Variants in HMCN2 observed in about 807,000 individuals in gnomAD.
HMCN2 encodes hemicentin-2.
HMCN2 carries 325 observed loss-of-function variants against 377.5 expected under a neutral mutation model. The ratio of observed to expected loss-of-function variants is 0.86; its 90% CI spans 0.79 to 0.94. The LOEUF is 0.94. Among genes scored for constraint, HMCN2 ranks in the 40% least tolerant of loss-of-function variants. The pLI, the probability that HMCN2 is intolerant of heterozygous loss-of-function variation, is 0.00. For missense variants in HMCN2, 4,543 were observed against 4,725.3 expected (o/e 0.96, Z 1.13); for synonymous variants, 2,007 against 2,046.8 (o/e 0.98, Z 0.53).
rs75783855 is a variant in HMCN2 at position 130,289,947 on chromosome 9, G to A, written c.612+3637G>A. 4.6e-3 allele frequency among the ~76,000 whole-genome samples: 693 copies of A among 152,264 alleles called. 6 individuals carry two copies. Among genetic ancestry groups the A allele is most frequent in the African/African-American group, 0.015 (642 of 41,556 alleles). Reference sequence around the variant, plus strand: ...GCTTTCCTTCCCTGCTTCCTCAGCCGCCCTGGCTGTCAAATGTTCTGGGAG... The same window carrying A: ...GCTTTCCTTCCCTGCTTCCTCAGCCACCCTGGCTGTCAAATGTTCTGGGAG... On this transcript the variant is annotated intron_variant, in intron 4 of 97. Coordinates refer to ENST00000683500, the MANE Select transcript of HMCN2 (RefSeq NM_001291815.2).
Position 130,396,276 on chromosome 9 carries a change from C to A in HMCN2, c.11161C>A (p.Arg3721=). 2 of 1,283,328 alleles carry A rather than the reference C, an allele frequency of 1.6e-6. No homozygotes were observed. The highest frequency in any genetic ancestry group is 2.0e-6 in the Non-Finnish European group (2 of 983,636). 79.5% of individuals were successfully genotyped at this position (1,283,328 alleles called of 1,614,324 possible). The change falls in exon 73 of 98, where the codon CGG becomes AGG. Residue 3721 remains arginine, a synonymous_variant. Coordinates refer to ENST00000683500, the MANE Select transcript of HMCN2 (RefSeq NM_001291815.2). The stretch of plus-strand genomic sequence containing the variant: ...CGTGCCCGCACCCCTCGTGAGCTGG[C>A]GGAAGGACAGGGTCCCCCTGGATCC... ...DGVPAPLVSW[R]KDRVPLDPRS...
intron 29 of HMCN2, among the ~76,000 whole-genome samples, chr9:130,350,868 A>G (rs940161206): frequency 2.0e-5 from 3 of 151,766 alleles, no homozygotes; most frequent in Admixed American, 6.6e-5. Flanking sequence ...GTACTACTGC[A>G]CTCCAGCCTG....
At chr9:130,284,808 C>A in intron 2 of HMCN2, 135 bp downstream of exon 2, 1 of 419,568 alleles carries the variant, frequency 2.4e-6, no homozygotes. Context: ...GTGTGGCTTC[C>A]TTAGGCCATC....
rs1844112936 is a variant in HMCN2 at position 130,423,061 on chromosome 9, C to A, written c.13381+335C>A. Reference sequence around the variant, plus strand: ...ACCGATGGCTCCCTGAGGCTTTTCCCCATTTAAGTTAAAGCTCAGGCTGAT... The same window carrying A: ...ACCGATGGCTCCCTGAGGCTTTTCCACATTTAAGTTAAAGCTCAGGCTGAT... On this transcript the variant is annotated intron_variant, in intron 87 of 97. Coordinates refer to ENST00000683500, the MANE Select transcript of HMCN2 (RefSeq NM_001291815.2). This position sits in a 1 kb window ranked among gnomAD's most constrained non-coding sequence, Gnocchi z 5.5. Among the ~76,000 whole-genome samples, 1 of 152,196 alleles carries A rather than the reference C, an allele frequency of 6.6e-6. No homozygotes were observed. The highest frequency in any genetic ancestry group is 1.5e-5 in the Non-Finnish European group (1 of 68,036).
intron 1 of HMCN2, among the ~76,000 whole-genome samples, chr9:130,283,600 C>T (rs573119298): frequency 6.6e-6 from 1 of 152,324 alleles, no homozygotes; most frequent in African/African-American, 2.4e-5. Context: ...AGTCAAGCTC[C>T]TCAGGCAACC....
chr9:130,340,801 A>G (rs1476065342), intron 23 of HMCN2, among the ~76,000 whole-genome samples: 2 of 152,208 alleles, frequency 1.3e-5, no homozygotes, highest in African/African-American at 4.8e-5. Context: ...TACAGGCGTG[A>G]GCCACCGCTC....
intron 86 of HMCN2, among the ~76,000 whole-genome samples, chr9:130,420,065 CTTTTTTTTTTT>C (rs10586199): frequency 5.2e-5 from 4 of 77,028 alleles, no homozygotes; most frequent in Non-Finnish European, 9.5e-5. Flanking sequence ...CGTCCCACTT[CTTTTTTTTTTT>C]TTTTTTTTTT....
intron 1 of HMCN2, among the ~76,000 whole-genome samples, chr9:130,277,049 C>T (rs1183939385): frequency 3.9e-5 from 6 of 152,220 alleles, no homozygotes; most frequent in Non-Finnish European, 8.8e-5. Flanking sequence ...CCGTGTCCAC[C>T]GGGACACATG....
intron 14 of HMCN2, among the ~76,000 whole-genome samples, chr9:130,309,514 CAAAAAAAAAAAAAAA>C (rs143190808): frequency 9.7e-5 from 7 of 72,386 alleles, no homozygotes; most frequent in Non-Finnish European, 1.6e-4. Flanking sequence ...GACTCTGTCT[CAAAAAAAAAAAAAAA>C]AAAAAAAAGG....
At position 130,342,387 on chromosome 9, in the gene HMCN2, G is replaced by C. The variant is rs972618720; in HGVS notation, c.3780G>C (p.Leu1260=). The C allele has an allele frequency of 1.3e-5, 2 of 152,466 alleles. No homozygotes were observed. The highest frequency in any genetic ancestry group is 4.8e-5 in the African/African-American group (2 of 41,566). The allele number at this position is 152,466 out of a possible 1,614,324, so 9.4% of individuals were successfully genotyped here. A position where few individuals can be genotyped will look rare whatever the true frequency, so the allele number is the denominator to read the frequency against. Residue 1260 remains leucine, a synonymous_variant, in exon 25 of 98, where the codon CTG becomes CTC. Coordinates refer to ENST00000683500, the MANE Select transcript of HMCN2 (RefSeq NM_001291815.2). ...PHWGADETSG[L]LERVAGENAS... ...GGGGGGCTGATGAGACCAGCGGCCT[G>C]CTGGAGCGAGTGGCCGGAGAGAATG... is the stretch of plus-strand genomic sequence containing the variant.
rs1297329198 is a variant in HMCN2 at position 130,361,736 on chromosome 9, G to A, written c.5951-272G>A. On this transcript the variant is annotated intron_variant, in intron 38 of 97. Coordinates refer to ENST00000683500, the MANE Select transcript of HMCN2 (RefSeq NM_001291815.2). The surrounding 1 kb of genome is among the most constrained non-coding windows in gnomAD (Gnocchi z 4.8). ...GACCTTCTGCTGACCAGAGGCCTGA[G>A]TGCGAGTGCTGCTTCCTGGGTGGTC... 6.6e-6 allele frequency among the ~76,000 whole-genome samples: 1 copy of A among 152,336 alleles called. No homozygotes were observed. The highest frequency in any genetic ancestry group is 6.5e-5 in the Admixed American group (1 of 15,310).
In HMCN2 at chr9:130,303,524, T is replaced by A. The variant is rs545173944; in HGVS notation, c.1459T>A (p.Ser487Thr). The change falls in exon 10 of 98, where the codon TCC (serine) becomes ACC (threonine). Residue 487 changes from serine (S) to threonine (T), a missense_variant. Around this residue, in one of 5 missense-constraint regions of HMCN2, gnomAD observed 547 missense variants for 189.9 expected, o/e 2.88. Coordinates refer to ENST00000683500, the MANE Select transcript of HMCN2 (RefSeq NM_001291815.2). The surrounding 1 kb of genome is among the most constrained non-coding windows in gnomAD (Gnocchi z 5.2). ...CAGCAGCTGGGAGATCCTGCGGGCC[T>A]CCAAGGCCGAGGAGGGCACGTACGA... ...GNSSWEILRA[S>T]KAEEGTYECT... is the part of the protein sequence containing the mutation. 219 of 443,414 alleles carry A rather than the reference T, an allele frequency of 4.9e-4. 2 individuals carry two copies. Among genetic ancestry groups the A allele is most frequent in the African/African-American group, 4.3e-3 (212 of 49,064 alleles). 27.5% of individuals were successfully genotyped at this position (443,414 alleles called of 1,614,324 possible). A position where few individuals can be genotyped will look rare whatever the true frequency, so the allele number is the denominator to read the frequency against.
rs1564866994 is a variant in HMCN2 at position 130,408,769 on chromosome 9, TTCTCCTA to T, written c.12716_12722del (p.Phe4239SerfsTer6). 6.2e-6 allele frequency: 8 copies of T among 1,289,224 alleles called. No individual in the cohort carries two copies. The highest frequency in any genetic ancestry group is 8.1e-6 in the Non-Finnish European group (8 of 988,570). 79.9% of individuals were successfully genotyped at this position (1,289,224 alleles called of 1,614,324 possible). A position where few individuals can be genotyped will look rare whatever the true frequency, so the allele number is the denominator to read the frequency against. ...GGCTCCTGTCCTACAAGGGGAGGCT[TTCTCCTA>T]CCTGGTGGAACCTGTAGGAGGCAGC... On this transcript the variant is annotated frameshift_variant, in exon 84 of 98. Transcript: ENST00000683500. LOFTEE classifies it high-confidence loss of function.
chr9:130,282,697 C>A (rs552751716), intron 1 of HMCN2, among the ~76,000 whole-genome samples: 1 of 152,202 alleles, frequency 6.6e-6, no homozygotes, highest in East Asian at 1.9e-4. Context: ...GACTGAGCTC[C>A]GCCAACTGGT....
chr9:130,348,765 G>A (rs1242632261), intron 27 of HMCN2, 90 bp downstream of exon 27: 5 of 1,269,630 alleles, frequency 3.9e-6, no homozygotes, highest in African/African-American at 3.0e-5. Context: ...GTGCCAAGGT[G>A]GGGCAGGGAG....
rs1588142223 is a variant in HMCN2 at position 130,265,844 on chromosome 9, C to G, written c.-35C>G. ...GGCCGGCTAGCTCCGACCTGCGCCT[C>G]CACCGCAGCACCCGCAGCCAGAGCC... On this transcript the variant is annotated 5_prime_UTR_variant, in exon 1 of 98. Coordinates refer to ENST00000683500, the MANE Select transcript of HMCN2 (RefSeq NM_001291815.2). 3.1e-6 allele frequency: 1 copy of G among 325,160 alleles called. No individual in the cohort carries two copies. The highest frequency in any genetic ancestry group is 2.3e-5 in the African/African-American group (1 of 42,662). 20.1% of individuals were successfully genotyped at this position (325,160 alleles called of 1,614,324 possible).
intron 25 of HMCN2, among the ~76,000 whole-genome samples, chr9:130,343,017 G>A (rs911066348): frequency 2.4e-4 from 37 of 152,320 alleles, no homozygotes; most frequent in Middle Eastern, 3.4e-3. Flanking sequence ...CAGTTTCCCT[G>A]TCTGTACAGC....
intron 28 of HMCN2, 76 bp from the exon 29 acceptor site, chr9:130,349,461 C>A: frequency 1.6e-6 from 2 of 1,266,074 alleles, no homozygotes; most frequent in South Asian, 2.7e-5. Context: ...GGGGTCTGCA[C>A]AGACAAAGGC....
rs1842534374 is a variant in HMCN2 at position 130,395,026 on chromosome 9, G to A, written c.10693-1G>A. On this transcript the variant is annotated splice_acceptor_variant, in intron 69 of 97. Transcript: ENST00000683500. LOFTEE classifies it high-confidence loss of function. ...AGCTGCTCAACCCGCTCCATCCCCAGGTTAGGGATGCTGGGCTGTACACTT... is the reference window on the plus strand; with the variant it reads ...AGCTGCTCAACCCGCTCCATCCCCAAGTTAGGGATGCTGGGCTGTACACTT... 7.8e-7 allele frequency: 1 copy of A among 1,286,098 alleles called. No homozygotes were observed. 79.7% of individuals were successfully genotyped at this position (1,286,098 alleles called of 1,614,324 possible).
Sources: allele counts gnomAD v4.1 joint callset (sites outside exome capture counted in the v4.1 genomes callset), GRCh38; gene constraint gnomAD v4.1.1; regional missense constraint gnomAD v4.1.1; non-coding constraint Gnocchi (gnomAD v3.1); transcripts MANE v1.5; gene names NCBI Gene and HGNC (gene_info 2026-07-23, HGNC 2026-07-21).